Variants in MICU2 observed in about 807,000 individuals in gnomAD.
MICU2 encodes the protein calcium uptake protein 2, mitochondrial.
In MICU2, 64 loss-of-function variants were observed where a neutral mutation model predicts 60.4. The observed-to-expected ratio is 1.06, with a 90% CI of 0.87 to 1.31. The LOEUF (loss-of-function observed/expected upper bound fraction) is 1.31, where lower values mean the gene tolerates loss of function less well. Among genes scored for constraint, MICU2 ranks in the 50% most tolerant of loss-of-function variants. The pLI is 0.00. For synonymous variants in MICU2, 201 were observed against 175.0 expected (o/e 1.15, Z -1.17); for missense variants, 569 against 531.0 (o/e 1.07, Z -0.70).
intron 2 of MICU2, among the ~76,000 whole-genome samples, chr13:21,550,512 T>G (rs893570543): frequency 6.6e-6 from 1 of 152,340 alleles, no homozygotes; most frequent in Admixed American, 6.5e-5. Flanking sequence ...CACCCCAGCT[T>G]GGACCACAGA....
intron 2 of MICU2, among the ~76,000 whole-genome samples, chr13:21,565,298 G>C (rs879551325): frequency 1.3e-5 from 2 of 151,166 alleles, no homozygotes; most frequent in Admixed American, 6.6e-5. Flanking sequence ...GAGGCCAAGG[G>C]GGGTGGATTA....
At chr13:21,558,240 C>T (rs1008408023) in intron 2 of MICU2, among the ~76,000 whole-genome samples, 9 of 152,120 alleles carry the variant, frequency 5.9e-5, no homozygotes, top group African/African-American at 2.2e-4. Context: ...TTTGGGTATG[C>T]CTTCAGTCAC....
At chr13:21,529,984 G>A (rs1886948096) in intron 4 of MICU2, among the ~76,000 whole-genome samples, 1 of 152,176 alleles carries the variant, frequency 6.6e-6, no homozygotes, top group Admixed American at 6.5e-5. Flanking sequence ...TAAGTTAAGG[G>A]TGGCCAGCAT....
chr13:21,556,565 T>C (rs994068601), intron 2 of MICU2, among the ~76,000 whole-genome samples: 1 of 152,130 alleles, frequency 6.6e-6, no homozygotes, highest in Non-Finnish European at 1.5e-5. Context: ...ATGAGACTAT[T>C]TGGAAGTTTT....
intron 1 of MICU2, among the ~76,000 whole-genome samples, chr13:21,575,498 G>A (rs978838441): frequency 6.6e-6 from 1 of 151,532 alleles, no homozygotes; most frequent in Non-Finnish European, 1.5e-5. Flanking sequence ...CAAAGTGGGA[G>A]GATCCCTTGA....
chr13:21,502,879 CTTA>C (rs1886210403), intron 9 of MICU2, 44 bp downstream of exon 9: 1 of 1,528,806 alleles, frequency 6.5e-7, no homozygotes, highest in South Asian at 1.2e-5. Flanking sequence ...ACATGTCTAA[CTTA>C]TTATTTCATC....
At chr13:21,595,584 C>T (rs569249367) in intron 1 of MICU2, among the ~76,000 whole-genome samples, 2 of 152,382 alleles carry the variant, frequency 1.3e-5, no homozygotes, top group South Asian at 4.1e-4. Flanking sequence ...CAGGGCACCA[C>T]CTCTGTGGTA....
chr13:21,534,092 AAG>A (rs1372092052), intron 4 of MICU2, among the ~76,000 whole-genome samples: 1 of 152,124 alleles, frequency 6.6e-6, no homozygotes, highest in Non-Finnish European at 1.5e-5. Context: ...AAAAAAAAAA[AAG>A]AGTTGATGCA....
At chr13:21,593,240 C>A (rs1402180505) in intron 1 of MICU2, among the ~76,000 whole-genome samples, 1 of 152,060 alleles carries the variant, frequency 6.6e-6, no homozygotes, top group Non-Finnish European at 1.5e-5. Context: ...AGAGCCAAAT[C>A]ATGAGTGAAC....
At chr13:21,563,464 A>C (rs891983368) in intron 2 of MICU2, among the ~76,000 whole-genome samples, 2 of 152,050 alleles carry the variant, frequency 1.3e-5, no homozygotes, top group Admixed American at 1.3e-4. Flanking sequence ...CAAAAAAAAA[A>C]AAAAATTCTG....
intron 2 of MICU2, among the ~76,000 whole-genome samples, chr13:21,564,408 T>C (rs753908903): frequency 5.3e-5 from 8 of 152,124 alleles, no homozygotes; most frequent in South Asian, 2.1e-4. Context: ...TCTCCTTAAA[T>C]AAAATCTAAG....
chr13:21,538,717 T>C (rs182624489), intron 4 of MICU2, among the ~76,000 whole-genome samples: 1 of 152,168 alleles, frequency 6.6e-6, no homozygotes. Flanking sequence ...TTGTAGGTTA[T>C]ACGCAAATAT....
At chr13:21,577,612 T>G (rs1013875004) in intron 1 of MICU2, among the ~76,000 whole-genome samples, 15 of 151,734 alleles carry the variant, frequency 9.9e-5, no homozygotes, top group Non-Finnish European at 1.8e-4. Context: ...TCAAGACCAG[T>G]GGCCAACATG....
At chr13:21,593,571 CAAAAAAAA>C (rs71093338) in intron 1 of MICU2, among the ~76,000 whole-genome samples, 3 of 63,028 alleles carry the variant, frequency 4.8e-5, no homozygotes, top group African/African-American at 2.0e-4. Context: ...CAATCCTAAG[CAAAAAAAA>C]AAAAAAAAAA....
intron 4 of MICU2, among the ~76,000 whole-genome samples, 178 bp from the exon 5 acceptor site, chr13:21,522,828 CTA>C (rs1187310923): frequency 1.3e-5 from 2 of 152,132 alleles, no homozygotes; most frequent in African/African-American, 4.8e-5. Context: ...AAAAAAGAAA[CTA>C]TGTTTCATCA....
intron 8 of MICU2, 127 bp downstream of exon 8, chr13:21,509,877 G>T: frequency 1.9e-6 from 1 of 522,172 alleles, no homozygotes; most frequent in Non-Finnish European, 3.3e-6. Context: ...ATACTACACA[G>T]ATCCACAAAA....
intron 7 of MICU2, among the ~76,000 whole-genome samples, chr13:21,510,974 G>A (rs577368390): frequency 6.6e-6 from 1 of 152,254 alleles, no homozygotes; most frequent in Admixed American, 6.5e-5. Flanking sequence ...GAGCTTGGTG[G>A]GACTTGAGCA....
intron 4 of MICU2, among the ~76,000 whole-genome samples, chr13:21,525,870 A>T (rs1347172116): frequency 6.6e-6 from 1 of 151,278 alleles, no homozygotes; most frequent in East Asian, 1.9e-4. Flanking sequence ...CACTCTCTTG[A>T]CAGTGTTCTT....
chr13:21,576,143 G>C (rs1888223048), intron 1 of MICU2, among the ~76,000 whole-genome samples: 1 of 152,158 alleles, frequency 6.6e-6, no homozygotes. Context: ...TCTCAACCAT[G>C]ACATTTTGAT....
Sources: allele counts gnomAD v4.1 joint callset (sites outside exome capture counted in the v4.1 genomes callset), GRCh38; gene constraint gnomAD v4.1.1; transcripts MANE v1.5; gene names NCBI Gene and HGNC (gene_info 2026-07-23, HGNC 2026-07-21).